The following NEGR1 variants were observed in gnomAD, a reference collection of about 807,000 sequenced individuals.
NEGR1 encodes neuronal growth regulator 1.
In NEGR1, 10 loss-of-function variants were observed where a neutral mutation model predicts 40.9. The observed-to-expected ratio is 0.24, with a 90% confidence interval of 0.15 to 0.42. The LOEUF (loss-of-function observed/expected upper bound fraction) is 0.42. NEGR1 is among the 10% of genes least tolerant of loss of function. The pLI, the probability that NEGR1 is intolerant of heterozygous loss-of-function variation, is 1.00. For synonymous variants in NEGR1, 185 were observed against 166.8 expected (o/e 1.11, Z -0.84); for missense variants, 352 against 438.9 (o/e 0.80, Z 1.77).
intron 1 of NEGR1, among the ~76,000 whole-genome samples, chr1:72,111,505 A>T (rs1244237930): frequency 1.3e-5 from 2 of 151,726 alleles, no homozygotes; most frequent in Non-Finnish European, 2.9e-5. Context: ...CTGCTTATTA[A>T]ATCAATTCAT....
intron 6 of NEGR1, among the ~76,000 whole-genome samples, chr1:71,527,619 A>G (rs1647235768): frequency 6.6e-6 from 1 of 151,536 alleles, no homozygotes. Flanking sequence ...CACTATCACA[A>G]TCTATGAGAT....
intron 4 of NEGR1, among the ~76,000 whole-genome samples, chr1:71,651,219 C>A (rs1043849434): frequency 3.9e-5 from 6 of 152,036 alleles, no homozygotes; most frequent in African/African-American, 1.4e-4. Flanking sequence ...GGGGATTATG[C>A]CTTTGCTAAG....
At chr1:71,995,373 T>C (rs932148910) in intron 1 of NEGR1, among the ~76,000 whole-genome samples, 1 of 152,142 alleles carries the variant, frequency 6.6e-6, no homozygotes, top group African/African-American at 2.4e-5. Context: ...ATTTTGATTA[T>C]ACCATGAATA....
At chr1:72,092,891 A>G (rs909544806) in intron 1 of NEGR1, among the ~76,000 whole-genome samples, 6 of 152,114 alleles carry the variant, frequency 3.9e-5, no homozygotes, top group African/African-American at 1.2e-4. Flanking sequence ...GGTTCAAACT[A>G]TATGCCTGTC....
At chr1:71,538,907 C>T (rs72677115) in intron 6 of NEGR1, among the ~76,000 whole-genome samples, 2,109 of 151,786 alleles carry the variant, frequency 0.014, 23 homozygotes, top group Non-Finnish European at 0.02. Flanking sequence ...TGACTCTAAC[C>T]GAAGCTCCAG....
chr1:71,614,429 T>C (rs183734276), intron 4 of NEGR1, among the ~76,000 whole-genome samples: 148 of 152,302 alleles, frequency 9.7e-4, no homozygotes, highest in African/African-American at 3.2e-3. Context: ...TCATGTCACC[T>C]GCAAAAGCCA....
At chr1:71,733,311 C>A (rs932405959) in intron 3 of NEGR1, among the ~76,000 whole-genome samples, 1 of 152,136 alleles carries the variant, frequency 6.6e-6, no homozygotes, top group Non-Finnish European at 1.5e-5. Flanking sequence ...GGGCGTTGCT[C>A]AGATTGTTTC....
chr1:71,481,991 G>A (rs1646857044), intron 6 of NEGR1, among the ~76,000 whole-genome samples: 1 of 151,730 alleles, frequency 6.6e-6, no homozygotes, highest in Non-Finnish European at 1.5e-5. Context: ...AAGACCAGGA[G>A]CCCAATTTCT....
intron 4 of NEGR1, among the ~76,000 whole-genome samples, chr1:71,642,526 T>C (rs1407715559): frequency 6.6e-6 from 1 of 151,934 alleles, no homozygotes; most frequent in African/African-American, 2.4e-5. Flanking sequence ...TCACAATCAC[T>C]TTCCCATAAT....
At chr1:71,464,563 G>C (rs2101348034) in intron 6 of NEGR1, among the ~76,000 whole-genome samples, 1 of 152,172 alleles carries the variant, frequency 6.6e-6, no homozygotes, top group South Asian at 2.1e-4. Flanking sequence ...AATGGAAAAT[G>C]AAAGATTGAG....
chr1:71,779,251 C>T (rs915164098), intron 2 of NEGR1, among the ~76,000 whole-genome samples: 2 of 152,168 alleles, frequency 1.3e-5, no homozygotes, highest in African/African-American at 4.8e-5. Context: ...TCAGTTTAAG[C>T]CTTCCAACTT....
At chr1:71,524,860 C>T (rs928671668) in intron 6 of NEGR1, among the ~76,000 whole-genome samples, 3 of 151,636 alleles carry the variant, frequency 2.0e-5, no homozygotes, top group African/African-American at 7.3e-5. Context: ...ATTTGAGTGG[C>T]CATTTCTGGC....
chr1:71,611,900 C>T (rs1650267422), intron 4 of NEGR1, among the ~76,000 whole-genome samples: 1 of 152,156 alleles, frequency 6.6e-6, no homozygotes, highest in Non-Finnish European at 1.5e-5. Flanking sequence ...TCTCTCATAC[C>T]ATCAACTTTC....
Position 71,491,864 on chromosome 1 carries a change from C to T in NEGR1, c.941-84294G>A, listed in dbSNP as rs571533565. 4.6e-5 allele frequency among the ~76,000 whole-genome samples: 7 copies of T among 152,168 alleles called. No individual in the cohort carries two copies. The South Asian group carries it at 8.3e-4, about 18-fold the overall frequency. The stretch of plus-strand genomic sequence containing the variant: ...TAGAGTGCTATGGTTTTTGAATGTA[C>T]GTGTCCCTCCAAAATTTATATGCTG... On this transcript the variant is annotated intron_variant, in intron 6 of 6. Coordinates refer to ENST00000357731, the MANE Select transcript of NEGR1 (RefSeq NM_173808.3).
chr1:71,800,643 C>A (rs1245900603), intron 2 of NEGR1, among the ~76,000 whole-genome samples: 1 of 152,092 alleles, frequency 6.6e-6, no homozygotes, highest in African/African-American at 2.4e-5. Context: ...ACATGGTAGC[C>A]TCTGTGTGCT....
At chr1:72,086,230 A>G (rs1648217370) in intron 1 of NEGR1, among the ~76,000 whole-genome samples, 1 of 152,130 alleles carries the variant, frequency 6.6e-6, no homozygotes, top group Admixed American at 6.5e-5. Flanking sequence ...TATTGACAAA[A>G]CTATCAATTA....
intron 2 of NEGR1, among the ~76,000 whole-genome samples, chr1:71,844,142 T>A (rs1659328428): frequency 6.6e-6 from 1 of 152,156 alleles, no homozygotes; most frequent in African/African-American, 2.4e-5. Flanking sequence ...TGCCATGTAT[T>A]TTTCCCCAAA....
intron 6 of NEGR1, among the ~76,000 whole-genome samples, chr1:71,450,796 G>A (rs1215026565): frequency 2.0e-5 from 3 of 151,510 alleles, no homozygotes; most frequent in African/African-American, 7.3e-5. Context: ...GGTGCAGAGC[G>A]AGACTCGGTC....
At chr1:71,674,509 T>C (rs910850458) in intron 4 of NEGR1, among the ~76,000 whole-genome samples, 7 of 152,246 alleles carry the variant, frequency 4.6e-5, no homozygotes, top group Admixed American at 3.3e-4. Flanking sequence ...ACATTAGCTA[T>C]ATAACAATTC....
Sources: allele counts gnomAD v4.1 joint callset (sites outside exome capture counted in the v4.1 genomes callset), GRCh38; gene constraint gnomAD v4.1.1; transcripts MANE v1.5; gene names NCBI Gene and HGNC (gene_info 2026-07-23, HGNC 2026-07-21).